COL21A1: variants seen among roughly 807,000 people sequenced by gnomAD.
The protein encoded by COL21A1 is collagen type XXI alpha 1 chain.
In COL21A1, 149 loss-of-function variants were observed where a neutral mutation model predicts 137.9. The observed-to-expected ratio is 1.08, with a 90% CI of 0.95 to 1.24. The LOEUF is 1.24. Ranked by LOEUF, COL21A1 falls within the 50% of genes most tolerant of loss-of-function variation. The probability of loss-of-function intolerance (pLI) is 0.00; values close to 1 mark genes in which losing one functional copy is unlikely to be tolerated. For synonymous variants in COL21A1, 456 were observed against 391.5 expected (o/e 1.16, Z -1.95); for missense variants, 1,167 against 1,158.4 (o/e 1.01, Z -0.11).
At chr6:56,059,509 T>A (rs1241677891) in intron 28 of COL21A1, among the ~76,000 whole-genome samples, 1 of 152,180 alleles carries the variant, frequency 6.6e-6, no homozygotes, top group African/African-American at 2.4e-5. Context: ...CATAGTTTTT[T>A]AAAATTACTT....
At chr6:56,278,009 T>C (rs1763707823) in intron 1 of COL21A1, among the ~76,000 whole-genome samples, 1 of 152,232 alleles carries the variant, frequency 6.6e-6, no homozygotes, top group Non-Finnish European at 1.5e-5. Flanking sequence ...AAGCATAAAA[T>C]AATGATATTG....
At chr6:56,393,812 G>A (rs997891583) in intron 1 of COL21A1, among the ~76,000 whole-genome samples, 4 of 152,174 alleles carry the variant, frequency 2.6e-5, no homozygotes, top group Non-Finnish European at 5.9e-5. Flanking sequence ...CCTACTGGCG[G>A]ACCTGGCAAT....
intron 10 of COL21A1, among the ~76,000 whole-genome samples, chr6:56,152,370 T>C (rs1775392162): frequency 6.6e-6 from 1 of 152,234 alleles, no homozygotes; most frequent in Non-Finnish European, 1.5e-5. Context: ...ATTAATGATA[T>C]CTGCAAAGTT....
At chr6:56,074,854 C>T (rs1182977660) in intron 19 of COL21A1, among the ~76,000 whole-genome samples, 3 of 151,272 alleles carry the variant, frequency 2.0e-5, no homozygotes, top group African/African-American at 7.3e-5. Flanking sequence ...ATATTTAACA[C>T]ACTTTACAAA....
chr6:56,162,517 C>T (rs1201724778), intron 9 of COL21A1, among the ~76,000 whole-genome samples: 1 of 152,106 alleles, frequency 6.6e-6, no homozygotes, highest in Non-Finnish European at 1.5e-5. Flanking sequence ...GGTGACACTA[C>T]AAGACATCTA....
intron 1 of COL21A1, among the ~76,000 whole-genome samples, chr6:56,304,701 T>C (rs1156426414): frequency 6.6e-6 from 1 of 152,332 alleles, no homozygotes; most frequent in African/African-American, 2.4e-5. Context: ...ATTCATTGAT[T>C]TTTTGAAGGG....
At chr6:56,080,190 G>A (rs1180358426) in intron 17 of COL21A1, among the ~76,000 whole-genome samples, 3 of 151,760 alleles carry the variant, frequency 2.0e-5, no homozygotes, top group Non-Finnish European at 4.4e-5. Flanking sequence ...GAGCAAATGT[G>A]TTTCCAAGGA....
intron 1 of COL21A1, among the ~76,000 whole-genome samples, chr6:56,288,294 C>T (rs1763962176): frequency 6.6e-6 from 1 of 151,068 alleles, no homozygotes; most frequent in Non-Finnish European, 1.5e-5. Context: ...CTGCATGACC[C>T]ACTAAAGGGT....
intron 10 of COL21A1, among the ~76,000 whole-genome samples, chr6:56,153,130 T>C (rs918123785): frequency 6.6e-6 from 1 of 152,188 alleles, no homozygotes; most frequent in Admixed American, 6.5e-5. Context: ...TGTTGGCATA[T>C]AATGGGGGTC....
At chr6:56,196,959 T>A (rs1474109636) in intron 1 of COL21A1, among the ~76,000 whole-genome samples, 4 of 152,056 alleles carry the variant, frequency 2.6e-5, no homozygotes, top group African/African-American at 9.7e-5. Flanking sequence ...GCTGGAGGCA[T>A]CACACTTCCT....
chr6:56,173,550 A>G (rs1337998999), intron 3 of COL21A1, among the ~76,000 whole-genome samples: 1 of 152,218 alleles, frequency 6.6e-6, no homozygotes, highest in Non-Finnish European at 1.5e-5. Flanking sequence ...AATGGTAGCC[A>G]AAAGACATCA....
chr6:56,256,102 G>T (rs7760380), intron 1 of COL21A1, among the ~76,000 whole-genome samples: 56,209 of 152,032 alleles, frequency 0.37, 11,738 homozygotes, highest in African/African-American at 0.56. Context: ...TGAGACGTTA[G>T]CCCATTAAAT....
At chr6:56,119,069 G>A (rs1772206683) in intron 16 of COL21A1, among the ~76,000 whole-genome samples, 1 of 152,078 alleles carries the variant, frequency 6.6e-6, no homozygotes. Context: ...AGTACTGGAA[G>A]TCCTAGCTAG....
chr6:56,332,925 G>A (rs6915250), intron 1 of COL21A1, among the ~76,000 whole-genome samples: 103,445 of 151,858 alleles, frequency 0.68, 35,545 homozygotes, highest in East Asian at 0.9. Context: ...AAGCAGATAT[G>A]TCTGGACATA....
intron 17 of COL21A1, among the ~76,000 whole-genome samples, chr6:56,098,958 G>C (rs1038815686): frequency 6.7e-6 from 1 of 149,308 alleles, no homozygotes; most frequent in African/African-American, 2.5e-5. Flanking sequence ...CTCATGATCC[G>C]CCCGCCTCGG....
chr6:56,114,886 T>C (rs113582690), intron 16 of COL21A1, among the ~76,000 whole-genome samples: 15,188 of 137,460 alleles, frequency 0.11, 462 homozygotes, highest in Middle Eastern at 0.17. Flanking sequence ...ATGTTTATTG[T>C]GGCATTATTC....
chr6:56,061,198 T>C, intron 25 of COL21A1, 161 bp from the exon 26 acceptor site: 1 of 631,930 alleles, frequency 1.6e-6, no homozygotes, highest in Non-Finnish European at 2.6e-6. Flanking sequence ...AGAAGGGAAA[T>C]TTCATGTCAT....
intron 1 of COL21A1, among the ~76,000 whole-genome samples, chr6:56,328,308 A>C (rs925845783): frequency 6.6e-6 from 1 of 152,070 alleles, no homozygotes; most frequent in African/African-American, 2.4e-5. Context: ...TTGATAATAC[A>C]ATATGCATAC....
intron 1 of COL21A1, among the ~76,000 whole-genome samples, chr6:56,326,027 A>AC (rs200961034): frequency 0.58 from 3,351 of 5,794 alleles, 1,139 homozygotes; most frequent in Middle Eastern, 1. Context: ...GTATATACAT[A>AC]ATATATTATG....
Sources: gnomAD v4.1 joint callset for allele counts (sites outside exome capture counted in the v4.1 genomes callset) on GRCh38, gnomAD v4.1.1 for gene constraint, MANE v1.5 for transcripts, NCBI Gene and HGNC (gene_info 2026-07-23, HGNC 2026-07-21) for gene names.